Variants in ZNF184 observed in about 807,000 individuals in gnomAD.
ZNF184 encodes zinc finger protein 184 (Kruppel-like).
A neutral mutation model predicts 54.4 loss-of-function variants in ZNF184; 16 were observed. The ratio of observed to expected loss-of-function variants is 0.29; its 90% CI spans 0.20 to 0.45. ZNF184 has a LOEUF of 0.45. Ranked by LOEUF, ZNF184 falls within the 20% of genes least tolerant of loss-of-function variation. ZNF184 has a pLI of 1.00. For synonymous variants in ZNF184, 254 were observed against 295.3 expected, an observed-to-expected ratio of 0.86 and a Z score of 1.43; for missense variants, 681 against 888.2, an observed-to-expected ratio of 0.77 and a Z score of 2.97.
intron 3 of ZNF184, among the ~76,000 whole-genome samples, chr6:27,461,945 G>A (rs1316988608): frequency 6.6e-6 from 1 of 152,138 alleles, no homozygotes; most frequent in African/African-American, 2.4e-5. Flanking sequence ...GACTATCTGA[G>A]GCCAGTGAAA....
chr6:27,442,652 A>C, the ZNF184 span, among the ~76,000 whole-genome samples: 1 of 150,500 alleles, frequency 6.6e-6, no homozygotes, highest in Non-Finnish European at 1.5e-5. Context: ...AGCAAGCAAG[A>C]AAGAAAGCAA....
At chr6:27,459,769 A>G (rs1762952334) in intron 3 of ZNF184, among the ~76,000 whole-genome samples, 2 of 152,232 alleles carry the variant, frequency 1.3e-5, no homozygotes, top group African/African-American at 4.8e-5. Context: ...CATGCCCATT[A>G]ATAGGATAGT....
At chr6:27,409,807 G>A in the ZNF184 span, among the ~76,000 whole-genome samples, 4 of 152,040 alleles carry the variant, frequency 2.6e-5, no homozygotes, top group African/African-American at 7.2e-5. Context: ...TTCATGAGAT[G>A]AACTATAATA....
the ZNF184 span, among the ~76,000 whole-genome samples, chr6:27,438,534 A>G: frequency 6.6e-6 from 1 of 152,184 alleles, no homozygotes; most frequent in Non-Finnish European, 1.5e-5. Context: ...ATGGCAGCTC[A>G]CAAATGAGGC....
chr6:27,445,183 C>T, the ZNF184 span, among the ~76,000 whole-genome samples: 14 of 152,266 alleles, frequency 9.2e-5, no homozygotes, highest in East Asian at 2.7e-3. Context: ...TCATAATTGC[C>T]TCCACCTGGA....
chr6:27,469,092 G>A (rs894179431), intron 2 of ZNF184, among the ~76,000 whole-genome samples: 6 of 152,120 alleles, frequency 3.9e-5, no homozygotes, highest in African/African-American at 7.2e-5. Context: ...AAAATGACTC[G>A]TCTGGTAATT....
chr6:27,472,256 C>T lies in ZNF184; in HGVS notation c.7+32G>A, dbSNP rs546093419. ...GTCATGACTGTTCTCAAGCCTCCATCACCCCGCTCTCCCCCAAGTCGACCC... is the reference window on the plus strand; with the variant it reads ...GTCATGACTGTTCTCAAGCCTCCATTACCCCGCTCTCCCCCAAGTCGACCC... On this transcript the variant is annotated intron_variant, in intron 2 of 5. Coordinates refer to ENST00000683788, the MANE Select transcript of ZNF184 (RefSeq NM_001318891.2). This position sits in a 1 kb window ranked among gnomAD's most constrained non-coding sequence, Gnocchi z 4.8. The T allele has an allele frequency of 6.2e-7, 1 of 1,613,368 alleles. No homozygotes were observed. Among genetic ancestry groups the T allele is most frequent in the African/African-American group, 1.3e-5 (1 of 74,892 alleles).
Position 27,472,255 on chromosome 6 carries a change from T to A in ZNF184, c.7+33A>T. On this transcript the variant is annotated intron_variant, in intron 2 of 5. Coordinates refer to ENST00000683788, the MANE Select transcript of ZNF184 (RefSeq NM_001318891.2). The surrounding 1 kb of genome is among the most constrained non-coding windows in gnomAD (Gnocchi z 4.8). Reference sequence around the variant, plus strand: ...AGTCATGACTGTTCTCAAGCCTCCATCACCCCGCTCTCCCCCAAGTCGACC... The same window carrying A: ...AGTCATGACTGTTCTCAAGCCTCCAACACCCCGCTCTCCCCCAAGTCGACC... 6.2e-7 allele frequency: 1 copy of A among 1,613,394 alleles called. No individual in the cohort carries two copies. Among genetic ancestry groups the A allele is most frequent in the Non-Finnish European group, 8.5e-7 (1 of 1,179,554 alleles).
intron 4 of ZNF184, 71 bp downstream of exon 4, chr6:27,457,212 C>T: frequency 6.5e-7 from 1 of 1,541,732 alleles, no homozygotes; most frequent in Non-Finnish European, 8.7e-7. Context: ...TAAAGGCAAA[C>T]TCCCCTGAGC....
At chr6:27,442,830 G>GAA in the ZNF184 span, among the ~76,000 whole-genome samples, 1 of 13,906 alleles carries the variant, frequency 7.2e-5, no homozygotes, top group Non-Finnish European at 1.5e-4. Flanking sequence ...AAGAAAGAAA[G>GAA]AAAGAAAGAA....
chr6:27,408,801 G>C, the ZNF184 span, among the ~76,000 whole-genome samples: 1 of 152,070 alleles, frequency 6.6e-6, no homozygotes, highest in African/African-American at 2.4e-5. Flanking sequence ...CTTGTTTCTA[G>C]GGTTTCCTTT....
chr6:27,462,541 G>A (rs955806974), intron 3 of ZNF184, among the ~76,000 whole-genome samples: 2 of 150,032 alleles, frequency 1.3e-5, no homozygotes, highest in Non-Finnish European at 3.0e-5. Flanking sequence ...AACCCAATAA[G>A]GTAAAATTCA....
the ZNF184 span, among the ~76,000 whole-genome samples, chr6:27,409,661 A>G: frequency 6.6e-6 from 1 of 152,136 alleles, no homozygotes; most frequent in Non-Finnish European, 1.5e-5. Context: ...TGAATTCTGG[A>G]TATATGACCA....
downstream of ZNF184, among the ~76,000 whole-genome samples, chr6:27,446,074 A>T (rs1008879637): frequency 2.0e-5 from 3 of 152,240 alleles, no homozygotes; most frequent in African/African-American, 7.2e-5. Context: ...GGCCATATAA[A>T]TAATAGAAAA....
chr6:27,422,147 AAAAAGAAAG>A, the ZNF184 span, among the ~76,000 whole-genome samples: 15 of 49,804 alleles, frequency 3.0e-4, 2 homozygotes, highest in African/African-American at 1.2e-3. Context: ...CCTCAAAAAA[AAAAAGAAAG>A]AAAGAAAGAA....
Position 27,472,177 on chromosome 6 carries a change from T to C in ZNF184, c.7+111A>G. ...CGGTTTCTTTGCTAATCCCTAAGCATACCGTTCCTTCCTTCCAAATCTCCT... is the reference window on the plus strand; with the variant it reads ...CGGTTTCTTTGCTAATCCCTAAGCACACCGTTCCTTCCTTCCAAATCTCCT... On this transcript the variant is annotated intron_variant, in intron 2 of 5. Transcript: ENST00000683788. This position sits in a 1 kb window ranked among gnomAD's most constrained non-coding sequence, Gnocchi z 4.8. The C allele has an allele frequency of 6.9e-7, 1 of 1,454,650 alleles. No individual in the cohort carries two copies. Among genetic ancestry groups the C allele is most frequent in the Non-Finnish European group, 9.5e-7 (1 of 1,052,946 alleles). The allele number at this position is 1,454,650 out of a possible 1,614,324, so 90.1% of individuals were successfully genotyped here.
In ZNF184 at chr6:27,451,774, G is replaced by T; in HGVS notation, c.1785C>A (p.Phe595Leu). The T allele has an allele frequency of 1.2e-6, 2 of 1,614,006 alleles. No homozygotes were observed. The highest frequency in any genetic ancestry group is 1.7e-6 in the Non-Finnish European group (2 of 1,179,976). Residue 595 changes from phenylalanine to leucine, a missense_variant, in exon 6 of 6, where the codon TTC (phenylalanine) becomes TTA (leucine). Coordinates refer to ENST00000683788, the MANE Select transcript of ZNF184 (RefSeq NM_001318891.2). The part of the protein sequence containing the change: ...PYKCNECGRA[F>L]NQNIHLTQHK... ...GCTGTGTAAGGTGTATGTTCTGGTT[G>T]AATGCTCTCCCACACTCATTACACT...
intron 3 of ZNF184, among the ~76,000 whole-genome samples, chr6:27,458,727 G>T (rs944970762): frequency 6.6e-6 from 1 of 152,254 alleles, no homozygotes; most frequent in Middle Eastern, 3.4e-3. Flanking sequence ...CCGCTAATGG[G>T]TATTTATCCA....
the ZNF184 span, among the ~76,000 whole-genome samples, chr6:27,436,102 T>C: frequency 6.6e-6 from 1 of 152,154 alleles, no homozygotes; most frequent in Admixed American, 6.5e-5. Context: ...CTGTGTGTTT[T>C]TTATGTATGG....
Sources: gnomAD v4.1 joint callset for allele counts (sites outside exome capture counted in the v4.1 genomes callset) on GRCh38, gnomAD v4.1.1 for gene constraint, Gnocchi (gnomAD v3.1) non-coding constraint, MANE v1.5 for transcripts, NCBI Gene and HGNC (gene_info 2026-07-23, HGNC 2026-07-21) for gene names.